Variants in EIF5B observed in about 807,000 individuals in gnomAD.
EIF5B encodes eukaryotic translation initiation factor 5B.
Under a neutral mutation model 147.5 loss-of-function variants are expected in EIF5B, and 47 were observed. That is an observed-to-expected ratio of 0.32 (90% CI 0.25 to 0.41). The LOEUF is 0.41. Among genes scored for constraint, EIF5B ranks in the 10% least tolerant of loss-of-function variants. The pLI is 1.00. For synonymous variants in EIF5B, 455 were observed against 456.2 expected, an observed-to-expected ratio of 1.00 and a Z score of 0.03; for missense variants, 1,064 against 1,413.2, an observed-to-expected ratio of 0.75 and a Z score of 3.96.
chr2:99,371,083 A>T (rs1013247423), intron 8 of EIF5B: 2 of 152,246 alleles, frequency 1.3e-5, no homozygotes, highest in Non-Finnish European at 2.9e-5. Context: ...AATTAATTAA[A>T]TTAATGAAAC....
chr2:99,365,550 G>A (rs1457734794), intron 6 of EIF5B, among the ~76,000 whole-genome samples: 1 of 152,130 alleles, frequency 6.6e-6, no homozygotes, highest in African/African-American at 2.4e-5. Context: ...CTATTGGAGA[G>A]GCTAAAAGCA....
intron 1 of EIF5B, among the ~76,000 whole-genome samples, chr2:99,358,216 G>A (rs747346143): frequency 2.6e-5 from 4 of 152,022 alleles, no homozygotes; most frequent in African/African-American, 7.2e-5. Context: ...AGAGGCATGC[G>A]CCACCATGCC....
chr2:99,386,015 TTA>T (rs1674799300), intron 14 of EIF5B, among the ~76,000 whole-genome samples: 2 of 152,170 alleles, frequency 1.3e-5, no homozygotes, highest in African/African-American at 4.8e-5. Flanking sequence ...GTTACTCATG[TTA>T]TTATGCTTTG....
intron 14 of EIF5B, among the ~76,000 whole-genome samples, chr2:99,386,266 A>G (rs1265005161): frequency 6.6e-6 from 1 of 152,146 alleles, no homozygotes. Context: ...TCATGTACTT[A>G]TGCTTAGAGA....
At position 99,351,694 on chromosome 2, in the gene EIF5B, T is replaced by G. The variant is rs376652865; in HGVS notation, c.36-8542T>G. Among the ~76,000 whole-genome samples, 257 of 152,202 alleles carry G rather than the reference T, an allele frequency of 1.7e-3. 1 individual carries two copies. The highest frequency in any genetic ancestry group is 0.013 in the South Asian group (64 of 4,820). ...GTAGTGACATATCATTGTGTTTTTTTTTTGTTTGTTTGTTTGTTTTTGAGA... is the reference window on the plus strand; with the variant it reads ...GTAGTGACATATCATTGTGTTTTTTGTTTGTTTGTTTGTTTGTTTTTGAGA... On this transcript the variant is annotated intron_variant, in intron 1 of 23. Transcript: ENST00000289371.
chr2:99,398,734 T>C lies in EIF5B; in HGVS notation c.3394-14T>C. The stretch of plus-strand genomic sequence containing the variant: ...ATTCTTCTGCATGCATTTTAATTTG[T>C]TCTTATTTTATAGTTTGTTGACATC... On this transcript the variant is annotated splice_polypyrimidine_tract_variant and intron_variant, in intron 22 of 23. Transcript: ENST00000289371. 5.0e-6 allele frequency: 8 copies of C among 1,602,244 alleles called. No homozygotes were observed. Among genetic ancestry groups the C allele is most frequent in the Non-Finnish European group, 6.8e-6 (8 of 1,174,946 alleles).
chr2:99,343,718 G>A (rs1036505608), intron 1 of EIF5B, among the ~76,000 whole-genome samples: 1 of 151,694 alleles, frequency 6.6e-6, no homozygotes, highest in Non-Finnish European at 1.5e-5. Context: ...GGAGGCTGAG[G>A]CAGGAGAATT....
chr2:99,376,701 C>G (rs1674572456), intron 10 of EIF5B, 65 bp downstream of exon 10: 3 of 1,509,120 alleles, frequency 2.0e-6, no homozygotes, highest in Non-Finnish European at 2.6e-6. Flanking sequence ...AAACAGTACT[C>G]TACAACTAAA....
At position 99,360,592 on chromosome 2, in the gene EIF5B, A is replaced by G. The variant is rs750997151; in HGVS notation, c.246+43A>G. The G allele has an allele frequency of 1.4e-5, 22 of 1,580,320 alleles. No individual in the cohort carries two copies. In the African/African-American group the frequency reaches 2.5e-4, roughly 18 times the overall value. ...GTTACCTATTCGTATTTCGTATTCTATTCTTTCTTCTTAATGTTGGTTTGG... is the reference window on the plus strand; with the variant it reads ...GTTACCTATTCGTATTTCGTATTCTGTTCTTTCTTCTTAATGTTGGTTTGG... On this transcript the variant is annotated intron_variant, in intron 3 of 23. Transcript: ENST00000289371.
intron 1 of EIF5B, among the ~76,000 whole-genome samples, chr2:99,340,266 T>C (rs754700538): frequency 6.6e-6 from 1 of 152,226 alleles, no homozygotes; most frequent in Non-Finnish European, 1.5e-5. Flanking sequence ...TTCAGGGATA[T>C]TTTGAATATT....
chr2:99,355,787 A>G lies in EIF5B; in HGVS notation c.36-4449A>G, dbSNP rs1674085067. 3.3e-5 allele frequency among the ~76,000 whole-genome samples: 5 copies of G among 151,180 alleles called. No homozygotes were observed. The South Asian group carries it at 1.0e-3, about 31-fold the overall frequency. Reference sequence around the variant, plus strand: ...GCCACCACGTCCAGCTAATTTTTGTATTTTTAGTAGAGACAGGGTTTCACC... The same window carrying G: ...GCCACCACGTCCAGCTAATTTTTGTGTTTTTAGTAGAGACAGGGTTTCACC... On this transcript the variant is annotated intron_variant, in intron 1 of 23. Transcript: ENST00000289371.
chr2:99,373,206 C>T (rs563249374), intron 9 of EIF5B, among the ~76,000 whole-genome samples: 8 of 152,136 alleles, frequency 5.3e-5, no homozygotes, highest in African/African-American at 9.6e-5. Flanking sequence ...TTTTTGTATC[C>T]GTAAATAGCA....
chr2:99,337,432 C>A lies in EIF5B; in HGVS notation c.-123C>A, dbSNP rs920624291. ...TCCAGTGCGCGGGTCTGTGGAGAGC[C>A]GGGTGCGAGCGGCGGCAGCACGAGG... is the stretch of plus-strand genomic sequence containing the variant. On this transcript the variant is annotated 5_prime_UTR_variant, in exon 1 of 24. Transcript: ENST00000289371. 5.6e-6 allele frequency: 7 copies of A among 1,248,110 alleles called. No homozygotes were observed. In the South Asian group the frequency reaches 6.4e-5, roughly 11 times the overall value. The allele number at this position is 1,248,110 out of a possible 1,614,324, so 77.3% of individuals were successfully genotyped here.
chr2:99,390,441 T>TA (rs1553536651), intron 16 of EIF5B, 40 bp downstream of exon 16: 174,049 of 1,543,276 alleles, frequency 0.11, 3,947 homozygotes, highest in African/African-American at 0.26. Flanking sequence ...TTTTTTTTTT[T>TA]AAAAATAGCA....
chr2:99,376,278 A>G lies in EIF5B; in HGVS notation c.1553-69A>G, dbSNP rs147007366. On this transcript the variant is annotated intron_variant, in intron 9 of 23. Transcript: ENST00000289371. ...AAAAGATTGGACACCCCTGCTTTAAAGTCTCTTATCTTGATATAAATCTAT... is the reference window on the plus strand; with the variant it reads ...AAAAGATTGGACACCCCTGCTTTAAGGTCTCTTATCTTGATATAAATCTAT... 3.9e-4 allele frequency: 415 copies of G among 1,071,726 alleles called. No individual in the cohort carries two copies. In the African/African-American group the frequency reaches 5.8e-3, roughly 15 times the overall value. 66.4% of individuals were successfully genotyped at this position (1,071,726 alleles called of 1,614,324 possible).
At chr2:99,387,420 AT>A (rs1015215659) in intron 14 of EIF5B, among the ~76,000 whole-genome samples, 2 of 152,034 alleles carry the variant, frequency 1.3e-5, no homozygotes, top group African/African-American at 2.4e-5. Context: ...TGAAAAAATT[AT>A]TTTTTTCCCC....
rs1371600277 is a variant in EIF5B, at chr2:99,382,765, CCTT to C, written c.2130-11_2130-9del. On this transcript the variant is annotated splice_polypyrimidine_tract_variant and intron_variant, in intron 13 of 23. Transcript: ENST00000289371. ...AAGATTTTCTACTTATAGATCTTTTCCTTCTTTTCAACAGTAATCTGAGAAATA... is the reference window on the plus strand; with the variant it reads ...AAGATTTTCTACTTATAGATCTTTTCCTTTTCAACAGTAATCTGAGAAATA... 3 of 1,577,528 alleles carry C rather than the reference CCTT, an allele frequency of 1.9e-6. No individual in the cohort carries two copies. The highest frequency in any genetic ancestry group is 8.6e-7 in the Non-Finnish European group (1 of 1,169,186).
intron 14 of EIF5B, among the ~76,000 whole-genome samples, chr2:99,388,997 G>A (rs1329184062): frequency 6.6e-6 from 1 of 152,150 alleles, no homozygotes; most frequent in Non-Finnish European, 1.5e-5. Context: ...AGCTTTACAA[G>A]CTTCAGGCTT....
Position 99,361,184 on chromosome 2 carries a change from G to A in EIF5B, c.283G>A (p.Asp95Asn), listed in dbSNP as rs1395181107. 3.9e-6 allele frequency: 6 copies of A among 1,555,034 alleles called. No homozygotes were observed. The highest frequency in any genetic ancestry group is 4.3e-6 in the Non-Finnish European group (5 of 1,159,064). The change falls in exon 4 of 24, where the codon GAT (aspartate) becomes AAT (asparagine). Residue 95 changes from aspartate to asparagine, a missense_variant. Physicochemically the swap from Asp to Asn is conservative, Grantham distance 23. Transcript: ENST00000289371. ...ENNEEEFTSK[D>N]KKKKGQKGKK... ...CAATGAAGAGGAATTCACCTCAAAA[G>A]ATAAAAAAAAGAAAGGACAGAAGGG...
Sources: gnomAD v4.1 joint callset for allele counts (sites outside exome capture counted in the v4.1 genomes callset) on GRCh38, gnomAD v4.1.1 for gene constraint, MANE v1.5 for transcripts, NCBI Gene and HGNC (gene_info 2026-07-23, HGNC 2026-07-21) for gene names.